Variants in DGKH observed in about 807,000 individuals in gnomAD.
DGKH encodes DAG kinase eta.
DGKH carries 90 observed loss-of-function variants against 159.3 expected under a neutral mutation model. That is an observed-to-expected ratio of 0.57 (90% CI 0.48 to 0.67). The LOEUF (loss-of-function observed/expected upper bound fraction) is 0.67, where lower values mean the gene tolerates loss of function less well. Among genes scored for constraint, DGKH ranks in the 30% least tolerant of loss-of-function variants. The probability of loss-of-function intolerance (pLI) is 0.00; values close to 1 mark genes in which losing one functional copy is unlikely to be tolerated. For missense variants in DGKH, 1,181 were observed against 1,506.1 expected (o/e 0.78, Z 3.57); for synonymous variants, 536 against 553.8 (o/e 0.97, Z 0.45).
chr13:42,139,362 C>G (rs2137878106), intron 3 of DGKH, among the ~76,000 whole-genome samples: 1 of 152,318 alleles, frequency 6.6e-6, no homozygotes. Flanking sequence ...CAAAACCAGA[C>G]CAGGGGAGTC....
chr13:42,157,576 T>C (rs553225874), intron 5 of DGKH, among the ~76,000 whole-genome samples: 4 of 152,040 alleles, frequency 2.6e-5, no homozygotes, highest in Non-Finnish European at 5.9e-5. Context: ...TCACCTGAGG[T>C]TGGGAGTTGT....
At position 42,229,224 on chromosome 13, in the gene DGKH, G is replaced by T. The variant is rs748834739; in HGVS notation, c.*36G>T. The stretch of plus-strand genomic sequence containing the variant: ...GCTATTTCTTGGAAGAGAAGTTATT[G>T]CCACTTAATACAAAGTCCTTGGAAG... On this transcript the variant is annotated 3_prime_UTR_variant, in exon 30 of 30. Transcript: ENST00000337343. The T allele has an allele frequency of 3.4e-5, 54 of 1,575,266 alleles. No homozygotes were observed. Among genetic ancestry groups the T allele is most frequent in the Non-Finnish European group, 4.6e-5 (53 of 1,155,486 alleles).
intron 9 of DGKH, among the ~76,000 whole-genome samples, chr13:42,168,222 T>C (rs902938171): frequency 6.6e-6 from 1 of 152,220 alleles, no homozygotes; most frequent in Non-Finnish European, 1.5e-5. Context: ...TTCCTCCTAA[T>C]TTTATCTTCA....
chr13:42,111,389 C>T (rs541375617), intron 1 of DGKH, among the ~76,000 whole-genome samples: 5 of 152,118 alleles, frequency 3.3e-5, no homozygotes, highest in South Asian at 2.1e-4. Context: ...AGACCAGCCT[C>T]GGCAACATGG....
Position 42,061,988 on chromosome 13 carries a change from G to GTGTGTGTGTGT in DGKH, c.192+13023_192+13024insTGTGTGTGTGT, listed in dbSNP as rs1555256128. ...GAGAAAGATGGAGAGTGTGTGTGTG[G>GTGTGTGTGTGT]GTGTGTGTGTGTGTGTGTGTGTAAA... On this transcript the variant is annotated intron_variant, in intron 1 of 29. Transcript: ENST00000337343. Among the ~76,000 whole-genome samples the GTGTGTGTGTGT allele has an allele frequency of 6.1e-3, 912 of 149,772 alleles. 8 individuals are homozygous for GTGTGTGTGTGT. Among genetic ancestry groups the GTGTGTGTGTGT allele is most frequent in the Middle Eastern group, 0.038 (11 of 288 alleles).
At chr13:42,092,126 A>G (rs951102672) in intron 1 of DGKH, among the ~76,000 whole-genome samples, 15 of 152,190 alleles carry the variant, frequency 9.9e-5, no homozygotes, top group African/African-American at 3.4e-4. Flanking sequence ...CCCTTACACA[A>G]TATTGGTAGG....
chr13:42,044,007 G>C (rs915050994), upstream of DGKH: 10 of 151,754 alleles, frequency 6.6e-5, no homozygotes, highest in African/African-American at 2.4e-4. Flanking sequence ...GGCTAATTTT[G>C]GCATTTTCTT....
chr13:42,244,955 T>C (rs548161436), downstream of DGKH, among the ~76,000 whole-genome samples: 4 of 137,972 alleles, frequency 2.9e-5, no homozygotes, highest in East Asian at 2.3e-4. Flanking sequence ...CACAATCTTA[T>C]CACCTTCAGG....
chr13:42,204,586 A>AT (rs1397183338), intron 20 of DGKH, among the ~76,000 whole-genome samples: 1 of 152,130 alleles, frequency 6.6e-6, no homozygotes, highest in Non-Finnish European at 1.5e-5. Context: ...GATGGTGAAC[A>AT]TTTTTTGCAG....
At chr13:42,155,138 T>G (rs888040926) in intron 3 of DGKH, among the ~76,000 whole-genome samples, 153 bp from the exon 4 acceptor site, 2 of 152,228 alleles carry the variant, frequency 1.3e-5, no homozygotes, top group Admixed American at 6.5e-5. Flanking sequence ...AGGCTTTTTC[T>G]TTCCTAGACC....
rs769726421 is a variant in DGKH, at chr13:42,199,918, A to G, written c.2493+9A>G. ...AAAGGGTTCAACTTGAGGTAAGTTC[A>G]TCTTAAAGTAAAGATATTTCATATT... On this transcript the variant is annotated intron_variant, in intron 20 of 29. Coordinates refer to ENST00000337343, the MANE Select transcript of DGKH (RefSeq NM_178009.5). 24 of 1,589,416 alleles carry G rather than the reference A, an allele frequency of 1.5e-5. No individual in the cohort carries two copies. In the Admixed American group the frequency reaches 3.9e-4, roughly 26 times the overall value.
Position 42,217,784 on chromosome 13 carries a change from G to A in DGKH, c.3214-1446G>A, listed in dbSNP as rs201663659. On this transcript the variant is annotated intron_variant, in intron 26 of 29. Transcript: ENST00000337343. ...CTCAGTGGCTCACGCCTGTAATTCC[G>A]GCACTTTGGGAGGCTGAGGCAGGCA... is the stretch of plus-strand genomic sequence containing the variant. Among the ~76,000 whole-genome samples, 27 of 152,088 alleles carry A rather than the reference G, an allele frequency of 1.8e-4. No homozygotes were observed. The East Asian group carries it at 3.5e-3, about 20-fold the overall frequency.
At chr13:42,247,257 T>C (rs1958588547), downstream of DGKH, among the ~76,000 whole-genome samples, 1 of 145,568 alleles carries the variant, frequency 6.9e-6, no homozygotes, top group Non-Finnish European at 1.5e-5. Context: ...TTTGAGACAG[T>C]CTTGCTCTGT....
At chr13:42,133,717 A>AAAAGAAC (rs984621087) in intron 3 of DGKH, among the ~76,000 whole-genome samples, 2 of 152,180 alleles carry the variant, frequency 1.3e-5, no homozygotes, top group Admixed American at 6.5e-5. Flanking sequence ...AAAACAAAAT[A>AAAAGAAC]AAAGAACAAA....
At chr13:42,095,900 A>G (rs924697944) in intron 1 of DGKH, among the ~76,000 whole-genome samples, 3 of 152,230 alleles carry the variant, frequency 2.0e-5, no homozygotes, top group Admixed American at 6.5e-5. Context: ...GTCTAAATTT[A>G]TAGAACAGAG....
intron 1 of DGKH, among the ~76,000 whole-genome samples, chr13:42,114,208 G>T (rs1177382254): frequency 6.6e-6 from 1 of 152,068 alleles, no homozygotes; most frequent in East Asian, 1.9e-4. Context: ...ACAGCTAATT[G>T]CTTATATTTG....
intron 21 of DGKH, among the ~76,000 whole-genome samples, chr13:42,207,137 CCT>C (rs1566192660): frequency 0.077 from 2,528 of 32,902 alleles, 387 homozygotes; most frequent in Admixed American, 0.1. Flanking sequence ...TTCCTTCCTT[CCT>C]TCCTTCCTTC....
intron 1 of DGKH, among the ~76,000 whole-genome samples, chr13:42,111,960 C>T (rs898691878): frequency 1.3e-5 from 2 of 152,152 alleles, no homozygotes; most frequent in African/African-American, 4.8e-5. Context: ...TGCAGACAGA[C>T]CCACTGAAGA....
chr13:42,082,921 T>C (rs976449758), intron 1 of DGKH, among the ~76,000 whole-genome samples: 1 of 152,212 alleles, frequency 6.6e-6, no homozygotes, highest in Non-Finnish European at 1.5e-5. Context: ...TTGAAATGAA[T>C]TGAAGAATGT....
Sources: gnomAD v4.1 joint callset for allele counts (sites outside exome capture counted in the v4.1 genomes callset) on GRCh38, gnomAD v4.1.1 for gene constraint, MANE v1.5 for transcripts, NCBI Gene and HGNC (gene_info 2026-07-23, HGNC 2026-07-21) for gene names.